The following ZMYM4 variants were observed in gnomAD, a reference collection of about 807,000 sequenced individuals.
ZMYM4 encodes the protein zinc finger MYM-type protein 4.
In ZMYM4, 31 loss-of-function variants were observed where a neutral mutation model predicts 183.2. The ratio of observed to expected loss-of-function variants is 0.17; its 90% CI spans 0.13 to 0.23. The LOEUF (loss-of-function observed/expected upper bound fraction) is 0.23. Among genes scored for constraint, ZMYM4 ranks in the 10% least tolerant of loss-of-function variants. ZMYM4 has a pLI of 1.00. For synonymous variants in ZMYM4, 592 were observed against 631.2 expected (o/e 0.94, Z 0.93); for missense variants, 1,273 against 1,840.3 (o/e 0.69, Z 5.64).
chr1:35,385,651 T>C, intron 10 of ZMYM4, 59 bp downstream of exon 10: 1 of 1,517,320 alleles, frequency 6.6e-7, no homozygotes, highest in Non-Finnish European at 8.8e-7. Context: ...GTTATTGCTT[T>C]GTTTTTAACG....
intron 23 of ZMYM4, among the ~76,000 whole-genome samples, chr1:35,404,252 A>G (rs553513555): frequency 6.6e-6 from 1 of 152,054 alleles, no homozygotes; most frequent in Non-Finnish European, 1.5e-5. Context: ...TTTTGTAGAG[A>G]CGGGGTCTTG....
intron 5 of ZMYM4, among the ~76,000 whole-genome samples, chr1:35,364,804 T>G (rs1002730114): frequency 4.6e-5 from 7 of 152,210 alleles, no homozygotes; most frequent in African/African-American, 1.7e-4. Context: ...CACTTCCTAA[T>G]TCTCTTTTTT....
chr1:35,370,256 G>T, intron 6 of ZMYM4, 116 bp from the exon 7 acceptor site: 1 of 1,446,358 alleles, frequency 6.9e-7, no homozygotes. Flanking sequence ...ATTACTGTTG[G>T]GTTTCAAGAC....
chr1:35,306,746 T>C (rs756660960), intron 1 of ZMYM4, among the ~76,000 whole-genome samples: 2 of 152,206 alleles, frequency 1.3e-5, no homozygotes, highest in African/African-American at 2.4e-5. Flanking sequence ...TTTCTTCTGT[T>C]GTGGACCTCC....
chr1:35,366,641 A>AT (rs1644086696), intron 5 of ZMYM4, among the ~76,000 whole-genome samples: 1 of 152,230 alleles, frequency 6.6e-6, no homozygotes. Flanking sequence ...AAAAGTACTT[A>AT]TATCAAATAC....
At chr1:35,270,157 C>G (rs998674535) in intron 1 of ZMYM4, among the ~76,000 whole-genome samples, 1 of 152,202 alleles carries the variant, frequency 6.6e-6, no homozygotes, top group East Asian at 1.9e-4. Context: ...CTCCTAGAAC[C>G]TATTTGCAGA....
At chr1:35,401,091 G>A (rs575929952) in intron 23 of ZMYM4, among the ~76,000 whole-genome samples, 6 of 152,290 alleles carry the variant, frequency 3.9e-5, no homozygotes, top group African/African-American at 1.4e-4. Flanking sequence ...GAACATCTTA[G>A]TATCAATCTT....
chr1:35,363,848 A>G (rs748499370), intron 5 of ZMYM4, among the ~76,000 whole-genome samples: 2 of 152,194 alleles, frequency 1.3e-5, no homozygotes, highest in East Asian at 1.9e-4. Flanking sequence ...AGCCATGTCT[A>G]TATGAAGGGC....
At chr1:35,414,163 T>G in intron 27 of ZMYM4, 80 bp downstream of exon 27, 2 of 875,434 alleles carry the variant, frequency 2.3e-6, no homozygotes, top group South Asian at 3.1e-5. Flanking sequence ...TTAAAAAAAT[T>G]GTTCATTTTT....
intron 7 of ZMYM4, among the ~76,000 whole-genome samples, chr1:35,372,854 G>A (rs773455154): frequency 1.3e-5 from 2 of 152,170 alleles, no homozygotes; most frequent in Non-Finnish European, 2.9e-5. Context: ...TACTCAGCCT[G>A]TTCTTTAAAA....
intron 1 of ZMYM4, among the ~76,000 whole-genome samples, chr1:35,319,389 T>C (rs1642191903): frequency 6.6e-6 from 1 of 151,986 alleles, no homozygotes; most frequent in Non-Finnish European, 1.5e-5. Context: ...TTTGGGAGGC[T>C]GAGGTGGGAA....
At chr1:35,279,352 G>C (rs900684536) in intron 1 of ZMYM4, among the ~76,000 whole-genome samples, 3 of 152,204 alleles carry the variant, frequency 2.0e-5, no homozygotes, top group South Asian at 2.1e-4. Context: ...ATATCAAGGG[G>C]GTCCATATCA....
At chr1:35,400,395 CAG>C (rs1170812596) in intron 23 of ZMYM4, 1 of 151,314 alleles carries the variant, frequency 6.6e-6, no homozygotes, top group East Asian at 2.0e-4. Context: ...TTAGTAGAGA[CAG>C]GGTTTCACCA....
At chr1:35,303,887 T>C (rs1464662309) in intron 1 of ZMYM4, among the ~76,000 whole-genome samples, 3 of 152,226 alleles carry the variant, frequency 2.0e-5, no homozygotes, top group African/African-American at 7.2e-5. Flanking sequence ...CAATAACTTA[T>C]GGTTTAAAGC....
At chr1:35,282,607 G>A (rs150326913) in intron 1 of ZMYM4, among the ~76,000 whole-genome samples, 1,823 of 152,160 alleles carry the variant, frequency 0.012, 39 homozygotes, top group African/African-American at 0.042. Context: ...CCAGGCTGGA[G>A]TACAGTGGTG....
At chr1:35,416,943 G>A (rs12139615) in intron 28 of ZMYM4, among the ~76,000 whole-genome samples, 2,679 of 152,252 alleles carry the variant, frequency 0.018, 33 homozygotes, top group Middle Eastern at 0.14. Context: ...GACATGATTA[G>A]TAGTGAATTC....
intron 11 of ZMYM4, 73 bp downstream of exon 11, chr1:35,386,262 C>T (rs1644574077): frequency 6.6e-6 from 7 of 1,053,494 alleles, no homozygotes; most frequent in South Asian, 5.8e-5. Context: ...TTGCACTCCT[C>T]TAAAGAAATA....
chr1:35,369,781 TAATA>T (rs943400727), intron 5 of ZMYM4, among the ~76,000 whole-genome samples: 4 of 151,956 alleles, frequency 2.6e-5, no homozygotes, highest in African/African-American at 9.7e-5. Flanking sequence ...TTTTCAAAAA[TAATA>T]AATACTTAGT....
intron 1 of ZMYM4, among the ~76,000 whole-genome samples, chr1:35,275,802 T>C (rs1339031810): frequency 6.6e-6 from 1 of 152,160 alleles, no homozygotes; most frequent in Admixed American, 6.5e-5. Context: ...AAATGACACT[T>C]TTATGTGGCT....
Sources: gnomAD v4.1 joint callset for allele counts (sites outside exome capture counted in the v4.1 genomes callset) on GRCh38, gnomAD v4.1.1 for gene constraint, MANE v1.5 for transcripts, NCBI Gene and HGNC (gene_info 2026-07-23, HGNC 2026-07-21) for gene names.